Variants in CCDC178 observed in about 807,000 individuals in gnomAD.
CCDC178 encodes the protein coiled-coil domain-containing protein 178.
Under a neutral mutation model 117.4 loss-of-function variants are expected in CCDC178, and 126 were observed. The ratio of observed to expected loss-of-function variants is 1.07; its 90% confidence interval spans 0.93 to 1.24. The LOEUF (loss-of-function observed/expected upper bound fraction) is 1.24. CCDC178 is among the 50% of genes most tolerant of loss of function. The pLI is 0.00. For synonymous variants in CCDC178, 283 were observed against 313.4 expected (o/e 0.90, Z 1.02); for missense variants, 1,030 against 986.9 (o/e 1.04, Z -0.59).
At chr18:33,160,367 G>A (rs1351129923) in intron 20 of CCDC178, among the ~76,000 whole-genome samples, 5 of 152,086 alleles carry the variant, frequency 3.3e-5, no homozygotes, top group Middle Eastern at 3.4e-3. Context: ...TTTTAGCCAC[G>A]TTTTTGGTAA....
At chr18:33,092,679 G>A in intron 21 of CCDC178, 82 bp downstream of exon 21, 2 of 869,414 alleles carry the variant, frequency 2.3e-6, no homozygotes, top group South Asian at 3.3e-5. Context: ...CAGATCAGAG[G>A]CACCCAAACT....
At chr18:33,275,939 T>A (rs907553698) in intron 12 of CCDC178, among the ~76,000 whole-genome samples, 1 of 151,910 alleles carries the variant, frequency 6.6e-6, no homozygotes, top group Non-Finnish European at 1.5e-5. Flanking sequence ...AACCTTGATA[T>A]ATATCCACAA....
intron 20 of CCDC178, among the ~76,000 whole-genome samples, chr18:33,163,032 A>G (rs1378891530): frequency 6.6e-6 from 1 of 152,122 alleles, no homozygotes; most frequent in Non-Finnish European, 1.5e-5. Flanking sequence ...AGGCTGAACT[A>G]ATTTACACTC....
intron 2 of CCDC178, among the ~76,000 whole-genome samples, chr18:33,436,295 T>C (rs1167833435): frequency 6.6e-6 from 1 of 152,012 alleles, no homozygotes; most frequent in Admixed American, 6.6e-5. Flanking sequence ...ACACAAACAT[T>C]TCCCATAAAT....
intron 5 of CCDC178, 110 bp downstream of exon 5, chr18:33,389,430 C>G: frequency 4.8e-6 from 2 of 416,240 alleles, no homozygotes; most frequent in Non-Finnish European, 8.4e-6. Flanking sequence ...TAACAATTAA[C>G]GATATGTAGG....
chr18:33,249,214 G>C (rs967466235), intron 14 of CCDC178, among the ~76,000 whole-genome samples: 1 of 151,972 alleles, frequency 6.6e-6, no homozygotes. Flanking sequence ...CCATTCTGTG[G>C]GTTGCCTGTT....
At chr18:33,215,496 T>C in intron 19 of CCDC178, 54 bp downstream of exon 19, 1 of 964,088 alleles carries the variant, frequency 1.0e-6, no homozygotes, top group African/African-American at 1.7e-5. Context: ...AATTTGATCT[T>C]ATTTATTAAT....
intron 22 of CCDC178, among the ~76,000 whole-genome samples, chr18:32,957,505 C>T (rs1306263645): frequency 5.9e-5 from 9 of 152,120 alleles, no homozygotes; most frequent in Admixed American, 3.9e-4. Flanking sequence ...CAGGGGCAAA[C>T]GATGAGAAAT....
intron 11 of CCDC178, among the ~76,000 whole-genome samples, chr18:33,297,052 G>C (rs28476704): frequency 0.072 from 10,934 of 151,576 alleles, 621 homozygotes; most frequent in African/African-American, 0.15. Context: ...TAAATATATA[G>C]AAATACATTA....
chr18:33,312,429 A>G (rs2062355763), intron 11 of CCDC178, among the ~76,000 whole-genome samples: 1 of 152,146 alleles, frequency 6.6e-6, no homozygotes, highest in African/African-American at 2.4e-5. Context: ...GCAGCATGTG[A>G]CCAAGCATTC....
chr18:33,028,360 C>A (rs1396830508), intron 21 of CCDC178, among the ~76,000 whole-genome samples: 3 of 151,738 alleles, frequency 2.0e-5, no homozygotes, highest in African/African-American at 7.2e-5. Context: ...CATCATAATA[C>A]ATTTCAAAAT....
At chr18:32,989,225 T>C (rs938421407) in intron 21 of CCDC178, among the ~76,000 whole-genome samples, 1 of 152,222 alleles carries the variant, frequency 6.6e-6, no homozygotes, top group Non-Finnish European at 1.5e-5. Flanking sequence ...GGCAAGTATT[T>C]GTAAAATGAA....
chr18:33,036,610 C>T (rs1038253369), intron 21 of CCDC178, among the ~76,000 whole-genome samples: 6 of 151,784 alleles, frequency 4.0e-5, no homozygotes, highest in Admixed American at 6.6e-5. Flanking sequence ...AGCAAAAGTC[C>T]AGGGTGGGAA....
chr18:33,074,311 A>T (rs2057165616), intron 21 of CCDC178, among the ~76,000 whole-genome samples: 1 of 152,142 alleles, frequency 6.6e-6, no homozygotes, highest in African/African-American at 2.4e-5. Flanking sequence ...ACATTACGTC[A>T]TTCTCAACCT....
intron 20 of CCDC178, among the ~76,000 whole-genome samples, chr18:33,113,230 G>C (rs1165424069): frequency 6.6e-6 from 1 of 151,906 alleles, no homozygotes; most frequent in Admixed American, 6.6e-5. Context: ...ACACTTTTGT[G>C]CACATTAAAT....
intron 22 of CCDC178, among the ~76,000 whole-genome samples, chr18:32,955,261 C>A (rs572585953): frequency 6.6e-6 from 1 of 152,176 alleles, no homozygotes; most frequent in Non-Finnish European, 1.5e-5. Context: ...GCCACACAAC[C>A]ATCTGCAAGA....
intron 20 of CCDC178, among the ~76,000 whole-genome samples, chr18:33,123,971 T>G (rs920885651): frequency 1.3e-5 from 2 of 152,174 alleles, no homozygotes; most frequent in African/African-American, 4.8e-5. Context: ...GGAGCGTGTC[T>G]CTGCAGTAAA....
At chr18:33,076,895 G>C (rs761006256) in intron 21 of CCDC178, among the ~76,000 whole-genome samples, 6 of 152,134 alleles carry the variant, frequency 3.9e-5, no homozygotes, top group Non-Finnish European at 8.8e-5. Context: ...ATCTGTTTAG[G>C]ATCAAGATCT....
chr18:33,206,138 C>G (rs1031663525), intron 20 of CCDC178, among the ~76,000 whole-genome samples: 3 of 152,076 alleles, frequency 2.0e-5, no homozygotes, highest in Admixed American at 1.3e-4. Context: ...CCCCCACCCC[C>G]CAAAAAGGAC....
Sources: gnomAD v4.1 joint callset for allele counts (sites outside exome capture counted in the v4.1 genomes callset) on GRCh38, gnomAD v4.1.1 for gene constraint, MANE v1.5 for transcripts, NCBI Gene and HGNC (gene_info 2026-07-23, HGNC 2026-07-21) for gene names.